Variants in BCAS3 observed in about 807,000 individuals in gnomAD.
The protein encoded by BCAS3 is BCAS3 microtubule associated cell migration factor, also known as BCAS4/BCAS3 fusion.
BCAS3 carries 53 observed loss-of-function variants against 116.1 expected under a neutral mutation model. The ratio of observed to expected loss-of-function variants is 0.46; its 90% CI spans 0.37 to 0.57. The LOEUF is 0.57. BCAS3 is among the 20% of genes least tolerant of loss of function. The pLI, the probability that BCAS3 is intolerant of heterozygous loss-of-function variation, is 0.00. For synonymous variants in BCAS3, 391 were observed against 408.2 expected (o/e 0.96, Z 0.51); for missense variants, 917 against 1,165.4 (o/e 0.79, Z 3.10).
Position 61,380,623 on chromosome 17 carries a change from T to G in BCAS3, c.2594-11354T>G, listed in dbSNP as rs940154563. 8.4e-5 allele frequency: 130 copies of G among 1,554,808 alleles called. No homozygotes were observed. The highest frequency in any genetic ancestry group is 1.1e-4 in the Non-Finnish European group (128 of 1,143,090). On this transcript the variant is annotated intron_variant, in intron 23 of 23. Transcript: ENST00000407086. The surrounding 1 kb of genome is among the most constrained non-coding windows in gnomAD (Gnocchi z 4.2). ...GTGGAAGGGGTTGTCCCGTTGCTTCTTTTGTCCCTCAAGAGGGTGCCCTCC... is the reference window on the plus strand; with the variant it reads ...GTGGAAGGGGTTGTCCCGTTGCTTCGTTTGTCCCTCAAGAGGGTGCCCTCC...
rs76109363 is a variant in BCAS3 at position 60,906,737 on chromosome 17, C to T, written c.823-3795C>T. Among the ~76,000 whole-genome samples, 411 of 152,074 alleles carry T rather than the reference C, an allele frequency of 2.7e-3. 15 individuals carry two copies. In the East Asian group the frequency reaches 0.068, roughly 25 times the overall value. ...GTGGAAATCAGATTGATCTGATTTCCCCAACCTGTCATTATTGAAAATAGA... is the reference window on the plus strand; with the variant it reads ...GTGGAAATCAGATTGATCTGATTTCTCCAACCTGTCATTATTGAAAATAGA... On this transcript the variant is annotated intron_variant, in intron 11 of 23. Coordinates refer to ENST00000407086, the MANE Select transcript of BCAS3 (RefSeq NM_017679.5).
Position 60,988,632 on chromosome 17 carries a change from C to T in BCAS3, c.1222-1339C>T, listed in dbSNP as rs146980880. Among the ~76,000 whole-genome samples, 678 of 151,904 alleles carry T rather than the reference C, an allele frequency of 4.5e-3. 8 individuals are homozygous for T. Among genetic ancestry groups the T allele is most frequent in the African/African-American group, 0.016 (645 of 41,510 alleles). ...CATGATTCAATCTTGTTAGGTTGTA[C>T]GTGTCTGGGAATTTATCCATTTCTT... On this transcript the variant is annotated intron_variant, in intron 14 of 23. Transcript: ENST00000407086.
chr17:61,331,421 A>C (rs1372991304), intron 22 of BCAS3, among the ~76,000 whole-genome samples: 1 of 152,158 alleles, frequency 6.6e-6, no homozygotes, highest in Non-Finnish European at 1.5e-5. Context: ...AAGCAGCCAG[A>C]TGCCCCTGTC....
intron 5 of BCAS3, chr17:60,727,158 C>A: frequency 4.6e-6 from 3 of 655,142 alleles, no homozygotes; most frequent in East Asian, 3.3e-5. Context: ...GAAAAATATC[C>A]CAAAGTTTAG....
rs1470761003 is a variant in BCAS3, at chr17:61,152,681, T to G, written c.2425+68117T>G. The stretch of plus-strand genomic sequence containing the variant: ...AGTTTCAATCTTTTTATTATTAATA[T>G]TATTGTAAAGATAATAAAGTCTTAA... On this transcript the variant is annotated intron_variant, in intron 22 of 23. Coordinates refer to ENST00000407086, the MANE Select transcript of BCAS3 (RefSeq NM_017679.5). Among the ~76,000 whole-genome samples the G allele has an allele frequency of 2.6e-5, 4 of 152,186 alleles. No homozygotes were observed. In the East Asian group the frequency reaches 7.7e-4, roughly 29 times the overall value.
chr17:61,044,478 A>ATATATATATATATATATATATG (rs1568205824), intron 19 of BCAS3, among the ~76,000 whole-genome samples: 11 of 146,572 alleles, frequency 7.5e-5, no homozygotes, highest in African/African-American at 2.7e-4. Flanking sequence ...ATATATATAT[A>ATATATATATATATATATATATG]TGCCATAAGA....
chr17:61,334,586 C>T, intron 22 of BCAS3, among the ~76,000 whole-genome samples: 1 of 146,652 alleles, frequency 6.8e-6, no homozygotes, highest in East Asian at 2.0e-4. Flanking sequence ...ATCGCTTGAA[C>T]CTGGGAGGTG....
At position 60,868,702 on chromosome 17, in the gene BCAS3, G is replaced by A. The variant is rs2054845678; in HGVS notation, c.584+19G>A. Reference sequence around the variant, plus strand: ...ATAAACGGTAAGGATTTTTTCATGGGTTTCTTGTGTAAAATAAGAAACATG... The same window carrying A: ...ATAAACGGTAAGGATTTTTTCATGGATTTCTTGTGTAAAATAAGAAACATG... On this transcript the variant is annotated intron_variant, in intron 8 of 23. Coordinates refer to ENST00000407086, the MANE Select transcript of BCAS3 (RefSeq NM_017679.5). 1 of 1,466,198 alleles carries A rather than the reference G, an allele frequency of 6.8e-7. No individual in the cohort carries two copies. Among genetic ancestry groups the A allele is most frequent in the African/African-American group, 1.5e-5 (1 of 68,888 alleles). The allele number at this position is 1,466,198 out of a possible 1,614,324, so 90.8% of individuals were successfully genotyped here. A position where few individuals can be genotyped will look rare whatever the true frequency, so the allele number is the denominator to read the frequency against.
intron 3 of BCAS3, among the ~76,000 whole-genome samples, chr17:60,686,556 ACTCTTGT>A (rs2034081313): frequency 1.3e-5 from 2 of 150,376 alleles, no homozygotes; most frequent in African/African-American, 4.9e-5. Context: ...ATGGAGTTTC[ACTCTTGT>A]CGCCCAGGCT....
At chr17:61,108,126 G>A (rs2074794971) in intron 22 of BCAS3, among the ~76,000 whole-genome samples, 1 of 152,014 alleles carries the variant, frequency 6.6e-6, no homozygotes, top group Non-Finnish European at 1.5e-5. Context: ...ATCTCGGGTT[G>A]CTGTGTTTTC....
chr17:61,064,880 ATTG>A (rs1268732296), intron 19 of BCAS3, among the ~76,000 whole-genome samples: 1 of 152,172 alleles, frequency 6.6e-6, no homozygotes, highest in Non-Finnish European at 1.5e-5. Context: ...CCCTTTATGT[ATTG>A]TTGTTGCATT....
At chr17:61,052,064 C>G (rs2068909925) in intron 19 of BCAS3, among the ~76,000 whole-genome samples, 1 of 151,870 alleles carries the variant, frequency 6.6e-6, no homozygotes, top group Non-Finnish European at 1.5e-5. Flanking sequence ...TTATGGGATT[C>G]TTGGATCTGT....
intron 7 of BCAS3, among the ~76,000 whole-genome samples, chr17:60,849,444 T>C (rs1004391355): frequency 2.0e-5 from 3 of 152,172 alleles, no homozygotes; most frequent in African/African-American, 7.2e-5. Flanking sequence ...GGAGGGGTAG[T>C]GTGCAGAGGA....
chr17:61,031,452 T>G (rs1202826959), intron 16 of BCAS3, among the ~76,000 whole-genome samples: 1 of 152,078 alleles, frequency 6.6e-6, no homozygotes, highest in Non-Finnish European at 1.5e-5. Context: ...AAACTTAGGA[T>G]GAAGGGCAGA....
intron 22 of BCAS3, among the ~76,000 whole-genome samples, chr17:61,107,454 C>T (rs771753068): frequency 1.2e-4 from 19 of 152,122 alleles, no homozygotes; most frequent in Non-Finnish European, 1.9e-4. Context: ...CAAACCGTTC[C>T]GTCACCACAA....
chr17:61,290,213 A>G (rs1602448021), intron 22 of BCAS3, among the ~76,000 whole-genome samples: 2 of 152,280 alleles, frequency 1.3e-5, no homozygotes, highest in Admixed American at 6.5e-5. Context: ...AGCTGCACCC[A>G]TGTCAAATGT....
At chr17:61,040,942 C>A in intron 19 of BCAS3, 50 bp downstream of exon 19, 1 of 1,470,248 alleles carries the variant, frequency 6.8e-7, no homozygotes, top group Non-Finnish European at 9.5e-7. Flanking sequence ...ATTCAGATTT[C>A]ATCTTAAAAT....
chr17:61,061,324 C>T (rs2070006439), intron 19 of BCAS3, among the ~76,000 whole-genome samples: 1 of 152,084 alleles, frequency 6.6e-6, no homozygotes, highest in African/African-American at 2.4e-5. Context: ...CATGAAAAAA[C>T]CACATTAAGT....
rs1167943484 is a variant in BCAS3, at chr17:61,097,033, T to C, written c.2425+12469T>C. Among the ~76,000 whole-genome samples, 1 of 152,118 alleles carries C rather than the reference T, an allele frequency of 6.6e-6. No homozygotes were observed. Among genetic ancestry groups the C allele is most frequent in the African/African-American group, 2.4e-5 (1 of 41,422 alleles). ...TTCCAAAGTTAATGAAAGACATAAGTCAAAGTTTTAAGAAACTCAGTGTAT... is the reference window on the plus strand; with the variant it reads ...TTCCAAAGTTAATGAAAGACATAAGCCAAAGTTTTAAGAAACTCAGTGTAT... On this transcript the variant is annotated intron_variant, in intron 22 of 23. Coordinates refer to ENST00000407086, the MANE Select transcript of BCAS3 (RefSeq NM_017679.5). The surrounding 1 kb of genome is among the most constrained non-coding windows in gnomAD (Gnocchi z 4.0).
Sources: gnomAD v4.1 joint callset for allele counts (sites outside exome capture counted in the v4.1 genomes callset) on GRCh38, gnomAD v4.1.1 for gene constraint, Gnocchi (gnomAD v3.1) non-coding constraint, MANE v1.5 for transcripts, NCBI Gene and HGNC (gene_info 2026-07-23, HGNC 2026-07-21) for gene names.